The following PDE1A variants were observed in gnomAD, a reference collection of about 807,000 sequenced individuals.
PDE1A encodes the protein phosphodiesterase 1A.
PDE1A carries 35 observed loss-of-function variants against 61.7 expected under a neutral mutation model. That is an observed-to-expected ratio of 0.57 (90% CI 0.43 to 0.75). The LOEUF (loss-of-function observed/expected upper bound fraction) is 0.75, where lower values mean the gene tolerates loss of function less well. PDE1A is among the 30% of genes least tolerant of loss of function. The pLI is 0.00. For synonymous variants in PDE1A, 232 were observed against 213.2 expected (o/e 1.09, Z -0.77); for missense variants, 597 against 630.6 (o/e 0.95, Z 0.57).
At chr2:182,219,906 C>G (rs1574761588) in intron 7 of PDE1A, among the ~76,000 whole-genome samples, 1 of 152,094 alleles carries the variant, frequency 6.6e-6, no homozygotes, top group East Asian at 1.9e-4. Context: ...CATAAATGTA[C>G]ACAATAAAAA....
the PDE1A span, among the ~76,000 whole-genome samples, chr2:182,680,095 GGTCA>G: frequency 1.3e-5 from 2 of 152,102 alleles, no homozygotes; most frequent in Non-Finnish European, 2.9e-5. Flanking sequence ...GATAAAATAT[GGTCA>G]GTCAGTTCTG....
chr2:182,200,201 G>C (rs1686498232), intron 10 of PDE1A, among the ~76,000 whole-genome samples: 1 of 152,170 alleles, frequency 6.6e-6, no homozygotes, highest in Non-Finnish European at 1.5e-5. Flanking sequence ...TCCTAGCAGA[G>C]CTTCAAAAAC....
intron 1 of PDE1A, among the ~76,000 whole-genome samples, chr2:182,274,179 G>A (rs528711101): frequency 1.6e-4 from 24 of 152,140 alleles, no homozygotes; most frequent in South Asian, 2.1e-4. Context: ...ACCTCCTACC[G>A]TCACCTTGGA....
At chr2:182,455,457 T>C (rs757771430) in intron 2 of PDE1A, among the ~76,000 whole-genome samples, 24 of 152,066 alleles carry the variant, frequency 1.6e-4, no homozygotes, top group Admixed American at 1.3e-4. Flanking sequence ...CACATGCACA[T>C]GTATGTTTAT....
chr2:182,515,319 C>T (rs1444110599), intron 2 of PDE1A, among the ~76,000 whole-genome samples: 1 of 152,140 alleles, frequency 6.6e-6, no homozygotes, highest in Non-Finnish European at 1.5e-5. Context: ...TTGTACCTGA[C>T]ACAGTATACA....
chr2:182,370,595 A>G (rs1449998700), intron 1 of PDE1A, among the ~76,000 whole-genome samples: 2 of 152,180 alleles, frequency 1.3e-5, no homozygotes, highest in East Asian at 3.9e-4. Flanking sequence ...AACCCAGAGA[A>G]TGTGGCAAGA....
At chr2:182,215,922 T>C (rs372716695) in intron 7 of PDE1A, among the ~76,000 whole-genome samples, 2 of 120,410 alleles carry the variant, frequency 1.7e-5, no homozygotes, top group Non-Finnish European at 3.4e-5. Flanking sequence ...TTTATGAGGC[T>C]AGCATCATTC....
At chr2:182,586,604 T>C in the PDE1A span, among the ~76,000 whole-genome samples, 1 of 152,164 alleles carries the variant, frequency 6.6e-6, no homozygotes, top group African/African-American at 2.4e-5. Context: ...ACCAGACAAG[T>C]CTTTGTTATG....
At chr2:182,594,295 T>TA in the PDE1A span, among the ~76,000 whole-genome samples, 3 of 152,228 alleles carry the variant, frequency 2.0e-5, no homozygotes, top group African/African-American at 7.2e-5. Context: ...CTCTCTAATC[T>TA]AAAATGTGGA....
intron 2 of PDE1A, among the ~76,000 whole-genome samples, chr2:182,437,825 T>C (rs1002666218): frequency 2.0e-5 from 3 of 151,948 alleles, no homozygotes; most frequent in Non-Finnish European, 4.4e-5. Context: ...CTCTGTTTCA[T>C]AAATAATTTT....
chr2:182,293,779 A>T (rs1415931286), intron 1 of PDE1A, among the ~76,000 whole-genome samples: 1 of 152,192 alleles, frequency 6.6e-6, no homozygotes, highest in Non-Finnish European at 1.5e-5. Context: ...CCTTCTTAAA[A>T]CACCTTATTG....
the PDE1A span, among the ~76,000 whole-genome samples, chr2:182,594,035 GC>G: frequency 6.6e-6 from 1 of 152,184 alleles, no homozygotes; most frequent in South Asian, 2.1e-4. Context: ...TTATAAAAGG[GC>G]CCTTAAGTCT....
chr2:182,274,472 G>A (rs1350673843), intron 1 of PDE1A, among the ~76,000 whole-genome samples: 2 of 151,970 alleles, frequency 1.3e-5, no homozygotes, highest in African/African-American at 4.8e-5. Context: ...GGAGAGCATA[G>A]AAGTCCTTCT....
intron 1 of PDE1A, among the ~76,000 whole-genome samples, chr2:182,342,479 G>C (rs833164): frequency 0.96 from 146,972 of 152,306 alleles, 71,135 homozygotes; most frequent in East Asian, 1. Flanking sequence ...GTCAGGAGAT[G>C]GAGACCATCC....
intron 2 of PDE1A, among the ~76,000 whole-genome samples, chr2:182,493,812 A>G (rs940168262): frequency 2.6e-5 from 4 of 152,172 alleles, no homozygotes. Context: ...ATTCTCAGCA[A>G]ACTGTTGCAA....
chr2:182,483,998 T>C (rs116038829), intron 2 of PDE1A, among the ~76,000 whole-genome samples: 1 of 151,838 alleles, frequency 6.6e-6, no homozygotes, highest in African/African-American at 2.4e-5. Flanking sequence ...GCCAAAAAAT[T>C]GGACAACTTA....
chr2:182,223,123 A>G (rs964950328), intron 7 of PDE1A, among the ~76,000 whole-genome samples: 3 of 151,986 alleles, frequency 2.0e-5, no homozygotes, highest in Admixed American at 6.6e-5. Flanking sequence ...GTGTCCATAT[A>G]AGAAGAGGAA....
At chr2:182,368,558 G>T (rs192572498) in intron 1 of PDE1A, among the ~76,000 whole-genome samples, 1 of 151,534 alleles carries the variant, frequency 6.6e-6, no homozygotes, top group Non-Finnish European at 1.5e-5. Context: ...CTACAATGGG[G>T]CTGAGAGAGA....
chr2:182,429,552 C>A (rs1703820282), upstream of PDE1A, among the ~76,000 whole-genome samples: 2 of 151,896 alleles, frequency 1.3e-5, no homozygotes, highest in Non-Finnish European at 2.9e-5. Context: ...ACACACATAC[C>A]CTACCCGACT....
Sources: allele counts gnomAD v4.1 joint callset (sites outside exome capture counted in the v4.1 genomes callset), GRCh38; gene constraint gnomAD v4.1.1; transcripts MANE v1.5; gene names NCBI Gene and HGNC (gene_info 2026-07-23, HGNC 2026-07-21).